The following KCNH5 variants were observed in gnomAD, a reference collection of about 807,000 sequenced individuals.
The protein encoded by KCNH5 is potassium voltage-gated channel subfamily H member 5.
Under a neutral mutation model 96.1 loss-of-function variants are expected in KCNH5, and 46 were observed. That is an observed-to-expected ratio of 0.48 (90% CI 0.38 to 0.61). KCNH5 has a LOEUF of 0.61. Ranked by LOEUF, KCNH5 falls within the 20% of genes least tolerant of loss-of-function variation. KCNH5 has a pLI of 0.00. For synonymous variants in KCNH5, 439 were observed against 449.8 expected (o/e 0.98, Z 0.30); for missense variants, 907 against 1,225.8 (o/e 0.74, Z 3.88).
At chr14:62,826,406 GCA>G (rs879817658) in intron 8 of KCNH5, among the ~76,000 whole-genome samples, 1,115 of 103,112 alleles carry the variant, frequency 0.011, 12 homozygotes, top group Middle Eastern at 0.048. Flanking sequence ...GTGCGTGCGT[GCA>G]TGTGTGTGTG....
At chr14:62,888,365 T>G (rs940323696) in intron 7 of KCNH5, among the ~76,000 whole-genome samples, 3 of 152,190 alleles carry the variant, frequency 2.0e-5, no homozygotes, top group African/African-American at 7.2e-5. Context: ...TCTTTTGTAC[T>G]GTAATTCAAT....
chr14:62,877,754 A>T (rs1403176890), intron 7 of KCNH5, among the ~76,000 whole-genome samples: 1 of 151,914 alleles, frequency 6.6e-6, no homozygotes, highest in East Asian at 1.9e-4. Context: ...GTGGGACTGT[A>T]AACTAGTTCA....
At chr14:62,899,873 C>A (rs374313753) in intron 7 of KCNH5, among the ~76,000 whole-genome samples, 5 of 152,052 alleles carry the variant, frequency 3.3e-5, no homozygotes, top group Admixed American at 2.0e-4. Flanking sequence ...ATTTTTAATT[C>A]TTGGAACAGG....
chr14:62,717,922 C>T (rs942492598), intron 10 of KCNH5, among the ~76,000 whole-genome samples: 1 of 152,144 alleles, frequency 6.6e-6, no homozygotes, highest in Non-Finnish European at 1.5e-5. Context: ...GTATACACCA[C>T]GGAATACTAT....
chr14:62,728,358 G>A (rs1884979671), intron 10 of KCNH5, among the ~76,000 whole-genome samples: 1 of 144,704 alleles, frequency 6.9e-6, no homozygotes, highest in African/African-American at 2.6e-5. Flanking sequence ...CTGCACTCCA[G>A]CCTGGGAGAC....
intron 7 of KCNH5, among the ~76,000 whole-genome samples, chr14:62,918,906 C>A (rs894183283): frequency 6.6e-6 from 1 of 152,030 alleles, no homozygotes; most frequent in African/African-American, 2.4e-5. Flanking sequence ...TTATGAAAAT[C>A]ATTTTTATCA....
At chr14:63,015,814 T>C (rs996233108) in intron 2 of KCNH5, among the ~76,000 whole-genome samples, 2 of 151,942 alleles carry the variant, frequency 1.3e-5, no homozygotes, top group Admixed American at 6.6e-5. Flanking sequence ...ATTTCTCTAA[T>C]ACTATATTTC....
At position 62,708,195 on chromosome 14, in the gene KCNH5, G is replaced by T; in HGVS notation, c.2280C>A (p.Pro760=). ...TCACATAGGCCAGAGACGTCTGAAT[G>T]GGAGTAATCTGTGACACAGTCACCA... ...TSVVTVSQIT[P]IQTSLAYVKT... The change falls in exon 11 of 11, where the codon CCC becomes CCA. Residue 760 remains proline, a synonymous_variant. Coordinates refer to ENST00000322893, the MANE Select transcript of KCNH5 (RefSeq NM_139318.5). The T allele has an allele frequency of 6.2e-7, 1 of 1,614,246 alleles. No individual in the cohort carries two copies. Among genetic ancestry groups the T allele is most frequent in the Non-Finnish European group, 8.5e-7 (1 of 1,180,052 alleles).
At chr14:62,824,808 G>A (rs1177318625) in intron 8 of KCNH5, among the ~76,000 whole-genome samples, 1 of 151,800 alleles carries the variant, frequency 6.6e-6, no homozygotes, top group East Asian at 1.9e-4. Flanking sequence ...GTCTATTGTT[G>A]CCATCTTTAC....
intron 8 of KCNH5, among the ~76,000 whole-genome samples, chr14:62,848,557 T>C (rs79903626): frequency 0.033 from 4,967 of 152,154 alleles, 107 homozygotes; most frequent in Middle Eastern, 0.058. Flanking sequence ...CTCCCTCAAC[T>C]CCTAAGTTCC....
chr14:62,942,021 T>C (rs1889798892), intron 7 of KCNH5, among the ~76,000 whole-genome samples: 1 of 152,234 alleles, frequency 6.6e-6, no homozygotes. Flanking sequence ...CTTTTCTCCA[T>C]AATATTTATT....
intron 1 of KCNH5, among the ~76,000 whole-genome samples, chr14:63,024,258 C>T (rs1891485313): frequency 6.6e-6 from 1 of 150,946 alleles, no homozygotes; most frequent in Admixed American, 6.6e-5. Context: ...AGAACCACAA[C>T]ATACCAAAAC....
At chr14:62,909,032 A>T (rs868471313) in intron 7 of KCNH5, among the ~76,000 whole-genome samples, 1,097 of 57,648 alleles carry the variant, frequency 0.019, 17 homozygotes, top group African/African-American at 0.028. Context: ...TATGCTACGT[A>T]TTTTTTTTTT....
chr14:62,721,228 G>A (rs1014851544), intron 10 of KCNH5, among the ~76,000 whole-genome samples: 56 of 152,210 alleles, frequency 3.7e-4, no homozygotes, highest in African/African-American at 1.3e-3. Flanking sequence ...TAGGACTGTA[G>A]GGCTTCCTCA....
chr14:62,958,437 T>C (rs978428604), intron 6 of KCNH5, among the ~76,000 whole-genome samples: 1 of 152,156 alleles, frequency 6.6e-6, no homozygotes, highest in Non-Finnish European at 1.5e-5. Context: ...ACTTTCATGA[T>C]CAAAATCTAA....
intron 10 of KCNH5, among the ~76,000 whole-genome samples, chr14:62,735,152 G>C (rs970424262): frequency 6.6e-6 from 1 of 152,134 alleles, no homozygotes; most frequent in Non-Finnish European, 1.5e-5. Flanking sequence ...AGGAAATAAA[G>C]CTTAATGATA....
intron 8 of KCNH5, among the ~76,000 whole-genome samples, chr14:62,803,179 G>C (rs532799126): frequency 6.6e-6 from 1 of 152,200 alleles, no homozygotes; most frequent in African/African-American, 2.4e-5. Flanking sequence ...TTTTGAGGTG[G>C]TCAAGAAGAG....
Position 62,707,584 on chromosome 14 carries a change from TG to T in KCNH5, c.2890del (p.Gln964ArgfsTer59). ...ACTAAAAATATCCTGACATGGTATC[TG>T]GGGGGGTACTTGGAGTGGCATTTGG... Reference protein sequence around the residue: ...KSQMPLQVPPQIPCQDIFSVS... With the variant: ...KSQMPLQVPPXIPCQDIFSVS... On this transcript the variant is annotated frameshift_variant, in exon 11 of 11. Coordinates refer to ENST00000322893, the MANE Select transcript of KCNH5 (RefSeq NM_139318.5). LOFTEE classifies it high-confidence loss of function. 3.9e-6 allele frequency: 6 copies of T among 1,527,898 alleles called. No homozygotes were observed. Among genetic ancestry groups the T allele is most frequent in the East Asian group, 2.3e-5 (1 of 43,968 alleles). 94.6% of individuals were successfully genotyped at this position (1,527,898 alleles called of 1,614,324 possible).
intron 4 of KCNH5, among the ~76,000 whole-genome samples, chr14:62,999,870 A>T (rs544091244): frequency 6.7e-4 from 89 of 133,536 alleles, no homozygotes; most frequent in African/African-American, 2.1e-3. Flanking sequence ...TAATAATAAT[A>T]AAAAAAAAAG....
Sources: gnomAD v4.1 joint callset for allele counts (sites outside exome capture counted in the v4.1 genomes callset) on GRCh38, gnomAD v4.1.1 for gene constraint, MANE v1.5 for transcripts, NCBI Gene and HGNC (gene_info 2026-07-23, HGNC 2026-07-21) for gene names.